The following COX7A2 variants were observed in gnomAD, a reference collection of about 807,000 sequenced individuals.
COX7A2 encodes the protein cytochrome c oxidase subunit 7A2, also known as cytochrome c oxidase subunit 7A2, mitochondrial.
A neutral mutation model predicts 11.6 loss-of-function variants in COX7A2; 11 were observed. That is an observed-to-expected ratio of 0.95 (90% CI 0.60 to 1.57). The LOEUF (loss-of-function observed/expected upper bound fraction) is 1.57, where lower values mean the gene tolerates loss of function less well. COX7A2 is among the 40% of genes most tolerant of loss of function. COX7A2 has a pLI of 0.00. For synonymous variants in COX7A2, 30 were observed against 38.2 expected (o/e 0.78, Z 0.79); for missense variants, 106 against 100.9 (o/e 1.05, Z -0.22).
Position 75,237,947 on chromosome 6 carries a change from GA to G in COX7A2, c.234del (p.Lys80ArgfsTer26). 6.2e-7 allele frequency: 1 copy of G among 1,605,668 alleles called. No individual in the cohort carries two copies. Among genetic ancestry groups the G allele is most frequent in the Non-Finnish European group, 8.5e-7 (1 of 1,174,588 alleles). On this transcript the variant is annotated frameshift_variant, in exon 4 of 4. Transcript: ENST00000684430. LOFTEE classifies it high-confidence loss of function. The stretch of plus-strand genomic sequence containing the variant: ...GACTGAAGTCACTCCTGCTTCTTGG[GA>G]AATGAAGCCACAGCCAGCTCATATA... Reference protein sequence around the residue: ...YAIYELAVASFPKKQE With the variant: ...YAIYELAVASXPKKQE
intron 3 of COX7A2, among the ~76,000 whole-genome samples, chr6:75,238,500 G>A (rs953523374): frequency 1.3e-5 from 2 of 151,898 alleles, no homozygotes; most frequent in Non-Finnish European, 2.9e-5. Context: ...CTGAGGTCAG[G>A]AGTTCGAGAC....
At chr6:75,250,248 C>G (rs1045825352) in exon 1 of COX7A2, 4 of 152,104 alleles carry the variant, frequency 2.6e-5, no homozygotes, top group African/African-American at 9.7e-5. Flanking sequence ...AAATCTAGAG[C>G]TCAAGACAGA....
At chr6:75,239,288 AGT>A (rs1043164169) in intron 3 of COX7A2, among the ~76,000 whole-genome samples, 20 of 152,326 alleles carry the variant, frequency 1.3e-4, no homozygotes, top group African/African-American at 4.8e-4. Context: ...CCCAGTAGAT[AGT>A]GTGGAAACTG....
chr6:75,240,069 C>G (rs1171302115), intron 3 of COX7A2, among the ~76,000 whole-genome samples: 1 of 151,934 alleles, frequency 6.6e-6, no homozygotes, highest in Non-Finnish European at 1.5e-5. Context: ...CCATTGCAAT[C>G]CAGCCTGGGC....
rs1024339070 is a variant in COX7A2, at chr6:75,243,565, G to A, written c.18+152C>T. Reference sequence around the variant, plus strand: ...TGGGGCGAGAGGAATAGACGGAAGGGAAAGTAAGGTCAGGGAAAAAGGACA... The same window carrying A: ...TGGGGCGAGAGGAATAGACGGAAGGAAAAGTAAGGTCAGGGAAAAAGGACA... On this transcript the variant is annotated intron_variant, in intron 1 of 3. Coordinates refer to ENST00000684430, the MANE Select transcript of COX7A2 (RefSeq NM_001366293.2). 13 of 701,462 alleles carry A rather than the reference G, an allele frequency of 1.9e-5. No individual in the cohort carries two copies. In the African/African-American group the frequency reaches 2.1e-4, roughly 11 times the overall value. The allele number at this position is 701,462 out of a possible 1,614,324, so 43.5% of individuals were successfully genotyped here.
upstream of COX7A2, among the ~76,000 whole-genome samples, chr6:75,244,394 A>G (rs546960096): frequency 2.8e-4 from 42 of 152,288 alleles, no homozygotes; most frequent in Non-Finnish European, 5.4e-4. Context: ...CAAATTGTGG[A>G]AGAGGCTCGC....
In COX7A2 at chr6:75,241,264, G is replaced by GCCTAAA; in HGVS notation, c.19-5_19dup (p.Leu6_Ala7insValTer). 3 of 1,517,632 alleles carry GCCTAAA rather than the reference G, an allele frequency of 2.0e-6. No individual in the cohort carries two copies. Among genetic ancestry groups the GCCTAAA allele is most frequent in the Non-Finnish European group, 1.8e-6 (2 of 1,117,252 alleles). The allele number at this position is 1,517,632 out of a possible 1,614,324, so 94.0% of individuals were successfully genotyped here. A position where few individuals can be genotyped will look rare whatever the true frequency, so the allele number is the denominator to read the frequency against. Reference sequence around the variant, plus strand: ...CGTCCTCTGCCCAATCTGACGAAGAGCCTAAAATGAAAATATTATTAAATA... The same window carrying GCCTAAA: ...CGTCCTCTGCCCAATCTGACGAAGAGCCTAAACCTAAAATGAAAATATTATTAAATA... On this transcript the variant is annotated stop_gained and splice_region_variant, in exon 2 of 4. Transcript: ENST00000684430. LOFTEE classifies it high-confidence loss of function.
At chr6:75,237,747 A>G, downstream of COX7A2, 2 of 427,370 alleles carry the variant, frequency 4.7e-6, no homozygotes, top group Non-Finnish European at 4.2e-6. Context: ...GCTGACCAAA[A>G]GTTGAAATTA....
upstream of COX7A2, among the ~76,000 whole-genome samples, chr6:75,247,551 A>G (rs1771706473): frequency 6.6e-6 from 1 of 151,672 alleles, no homozygotes. Flanking sequence ...TTAGTTTATT[A>G]TTAAATACTT....
In COX7A2 at chr6:75,237,900, T is replaced by C. The variant is rs1771362162; in HGVS notation, c.*30A>G. ...TGGTCCATAGAGAGCTGAATGAAAC[T>C]GAACCAAGCGATTGCTGGGATGACT... is the stretch of plus-strand genomic sequence containing the variant. On this transcript the variant is annotated 3_prime_UTR_variant, in exon 4 of 4. Coordinates refer to ENST00000684430, the MANE Select transcript of COX7A2 (RefSeq NM_001366293.2). The C allele has an allele frequency of 6.3e-7, 1 of 1,592,552 alleles. No homozygotes were observed. Among genetic ancestry groups the C allele is most frequent in the Non-Finnish European group, 8.6e-7 (1 of 1,162,612 alleles).
chr6:75,244,694 A>G (rs1317082833), upstream of COX7A2, among the ~76,000 whole-genome samples: 1 of 152,224 alleles, frequency 6.6e-6, no homozygotes, highest in Non-Finnish European at 1.5e-5. Flanking sequence ...TTTGATTGCC[A>G]TTTCAAATAA....
At chr6:75,247,047 A>T (rs916222313), upstream of COX7A2, among the ~76,000 whole-genome samples, 1 of 152,230 alleles carries the variant, frequency 6.6e-6, no homozygotes. Context: ...TTGTAACAGT[A>T]TAACAAAATT....
At chr6:75,247,133 A>G (rs2149514513), upstream of COX7A2, among the ~76,000 whole-genome samples, 1 of 152,364 alleles carries the variant, frequency 6.6e-6, no homozygotes, top group African/African-American at 2.4e-5. Context: ...TAAGATGGAC[A>G]TCAGATGCGA....
At chr6:75,244,416 G>A (rs1233963180), upstream of COX7A2, among the ~76,000 whole-genome samples, 2 of 152,182 alleles carry the variant, frequency 1.3e-5, no homozygotes, top group African/African-American at 4.8e-5. Context: ...CGCTTCTGAG[G>A]AAACGTTAGG....
At position 75,243,738 on chromosome 6, in the gene COX7A2, G is replaced by C. The variant is rs185927468; in HGVS notation, c.-4C>G. On this transcript the variant is annotated 5_prime_UTR_variant, in exon 1 of 4. Transcript: ENST00000684430. ...TCACCAGCAGATTCCGCAGCATCTT[G>C]GCTGTTACTGACCAGCAACCGCCAC... 8 of 1,613,884 alleles carry C rather than the reference G, an allele frequency of 5.0e-6. No homozygotes were observed. Among genetic ancestry groups the C allele is most frequent in the Admixed American group, 3.3e-5 (2 of 60,006 alleles).
At chr6:75,243,868 G>T (rs1032070348), upstream of COX7A2, 8 of 1,589,522 alleles carry the variant, frequency 5.0e-6, no homozygotes, top group South Asian at 1.1e-5. Context: ...AGAGAGGCTT[G>T]CGCTCCTAAC....
intron 1 of COX7A2, among the ~76,000 whole-genome samples, chr6:75,249,538 G>A (rs1455497552): frequency 2.0e-5 from 3 of 152,166 alleles, no homozygotes; most frequent in Non-Finnish European, 4.4e-5. Context: ...GGAGATAACA[G>A]TATTCATCAT....
At chr6:75,250,191 A>T (rs1771759021) in exon 1 of COX7A2, 1 of 152,220 alleles carries the variant, frequency 6.6e-6, no homozygotes, top group African/African-American at 2.4e-5. Context: ...TTACTAACTT[A>T]GGTTAATTCA....
At chr6:75,248,048 C>T (rs1360642047), upstream of COX7A2, among the ~76,000 whole-genome samples, 8 of 151,820 alleles carry the variant, frequency 5.3e-5, no homozygotes, top group Non-Finnish European at 1.2e-4. Flanking sequence ...GAGTTTCCTC[C>T]GCACAATAAA....
Sources: allele counts gnomAD v4.1 joint callset (sites outside exome capture counted in the v4.1 genomes callset), GRCh38; gene constraint gnomAD v4.1.1; transcripts MANE v1.5; gene names NCBI Gene and HGNC (gene_info 2026-07-23, HGNC 2026-07-21).